GRID2: variants seen among roughly 807,000 people sequenced by gnomAD.
GRID2 encodes glutamate receptor ionotropic, delta-2.
GRID2 carries 33 observed loss-of-function variants against 114.8 expected under a neutral mutation model. The ratio of observed to expected loss-of-function variants is 0.29; its 90% CI spans 0.22 to 0.38. The LOEUF (loss-of-function observed/expected upper bound fraction) is 0.38, where lower values mean the gene tolerates loss of function less well. Ranked by LOEUF, GRID2 falls within the 10% of genes least tolerant of loss-of-function variation. The probability of loss-of-function intolerance (pLI) is 1.00; values close to 1 mark genes in which losing one functional copy is unlikely to be tolerated. For missense variants in GRID2, 1,184 were observed against 1,257.7 expected (o/e 0.94, Z 0.89); for synonymous variants, 505 against 449.9 (o/e 1.12, Z -1.55).
chr4:93,559,447 A>G (rs1352855806), intron 13 of GRID2, among the ~76,000 whole-genome samples: 1 of 152,242 alleles, frequency 6.6e-6, no homozygotes, highest in African/African-American at 2.4e-5. Flanking sequence ...TCAAAAGAAG[A>G]CATTTATGTG....
At chr4:92,366,457 C>T (rs80218775) in intron 1 of GRID2, among the ~76,000 whole-genome samples, 4,013 of 151,950 alleles carry the variant, frequency 0.026, 175 homozygotes, top group African/African-American at 0.09. Flanking sequence ...TGAGGTAATC[C>T]ATACAACCAG....
At chr4:92,960,820 T>G (rs1020951952) in intron 2 of GRID2, among the ~76,000 whole-genome samples, 3 of 151,988 alleles carry the variant, frequency 2.0e-5, no homozygotes, top group Non-Finnish European at 4.4e-5. Flanking sequence ...TTTTTTTGTC[T>G]TCTACTCTTT....
At chr4:93,375,620 A>G (rs1763306689) in intron 8 of GRID2, among the ~76,000 whole-genome samples, 1 of 152,150 alleles carries the variant, frequency 6.6e-6, no homozygotes, top group South Asian at 2.1e-4. Flanking sequence ...CTATTTCACC[A>G]TCACACTTGT....
intron 1 of GRID2, among the ~76,000 whole-genome samples, chr4:92,430,560 C>G (rs2110339783): frequency 6.6e-6 from 1 of 152,112 alleles, no homozygotes; most frequent in East Asian, 1.9e-4. Flanking sequence ...AAGTTTTTCT[C>G]TTTTTGCTTA....
intron 8 of GRID2, among the ~76,000 whole-genome samples, chr4:93,323,556 T>C (rs1757482845): frequency 6.6e-6 from 1 of 152,184 alleles, no homozygotes; most frequent in Non-Finnish European, 1.5e-5. Context: ...ATATGAACTT[T>C]AAAGTAGTTT....
chr4:93,096,763 A>G (rs559243780), intron 3 of GRID2, among the ~76,000 whole-genome samples: 24 of 151,938 alleles, frequency 1.6e-4, no homozygotes, highest in Non-Finnish European at 3.5e-4. Context: ...CTGTTTGGCA[A>G]TTTTTTACCA....
intron 2 of GRID2, among the ~76,000 whole-genome samples, chr4:92,976,015 G>A (rs2149179612): frequency 6.6e-6 from 1 of 151,958 alleles, no homozygotes; most frequent in South Asian, 2.1e-4. Context: ...CTTAAGCCAA[G>A]TTTTCATTAA....
chr4:92,500,708 G>T (rs921963378), intron 1 of GRID2, among the ~76,000 whole-genome samples: 2 of 152,072 alleles, frequency 1.3e-5, no homozygotes, highest in Non-Finnish European at 2.9e-5. Context: ...ATCTTTGTCC[G>T]CCAGAAGCCA....
intron 11 of GRID2, among the ~76,000 whole-genome samples, chr4:93,477,998 T>A (rs2149443453): frequency 6.6e-6 from 1 of 152,214 alleles, no homozygotes; most frequent in East Asian, 1.9e-4. Context: ...AGCACTTACC[T>A]CAGTATTTTT....
chr4:92,947,146 A>G (rs565202540), intron 2 of GRID2, among the ~76,000 whole-genome samples: 2 of 152,172 alleles, frequency 1.3e-5, no homozygotes, highest in African/African-American at 2.4e-5. Flanking sequence ...GGCTTTACCA[A>G]TATCTCACAG....
intron 2 of GRID2, among the ~76,000 whole-genome samples, chr4:93,013,378 C>T (rs1722374816): frequency 6.6e-6 from 1 of 151,786 alleles, no homozygotes. Flanking sequence ...CACAGGATGT[C>T]TTCATATTTA....
At chr4:92,743,308 A>C (rs1736987335) in intron 2 of GRID2, among the ~76,000 whole-genome samples, 1 of 152,184 alleles carries the variant, frequency 6.6e-6, no homozygotes, top group African/African-American at 2.4e-5. Flanking sequence ...TCATCTAAAA[A>C]ATAGAATGAT....
chr4:92,974,234 TG>T (rs1427340341), intron 2 of GRID2, among the ~76,000 whole-genome samples: 1 of 152,172 alleles, frequency 6.6e-6, no homozygotes, highest in Non-Finnish European at 1.5e-5. Context: ...TTTACACTGT[TG>T]GTGGGAGTGT....
intron 1 of GRID2, among the ~76,000 whole-genome samples, chr4:92,305,564 C>G (rs1018826735): frequency 6.6e-6 from 1 of 152,156 alleles, no homozygotes; most frequent in African/African-American, 2.4e-5. Context: ...CGAGTAGCCG[C>G]GCAAGGCAGA....
intron 10 of GRID2, among the ~76,000 whole-genome samples, chr4:93,424,501 A>G (rs191743896): frequency 2.1e-4 from 32 of 152,206 alleles, no homozygotes; most frequent in Admixed American, 7.9e-4. Context: ...TAAAGTTGTG[A>G]TTCTATCAGT....
intron 4 of GRID2, among the ~76,000 whole-genome samples, chr4:93,174,569 T>A (rs1739166457): frequency 6.6e-6 from 1 of 152,088 alleles, no homozygotes; most frequent in Admixed American, 6.6e-5. Context: ...TCTTTCGGGT[T>A]AAAGGAGGTC....
At chr4:93,388,600 T>A (rs1269224832) in intron 8 of GRID2, among the ~76,000 whole-genome samples, 1 of 151,926 alleles carries the variant, frequency 6.6e-6, no homozygotes, top group Admixed American at 6.6e-5. Flanking sequence ...TAATAACAAA[T>A]CATGCAAATT....
At chr4:92,610,424 TG>T in intron 2 of GRID2, among the ~76,000 whole-genome samples, 1 of 151,784 alleles carries the variant, frequency 6.6e-6, no homozygotes, top group East Asian at 1.9e-4. Flanking sequence ...CGATCATACC[TG>T]TCTCTAAATA....
At chr4:93,665,701 T>G (rs997481648) in intron 14 of GRID2, among the ~76,000 whole-genome samples, 1 of 152,208 alleles carries the variant, frequency 6.6e-6, no homozygotes, top group African/African-American at 2.4e-5. Context: ...AAATTTTCTG[T>G]ATCTTCTTAG....
Sources: allele counts gnomAD v4.1 joint callset (sites outside exome capture counted in the v4.1 genomes callset), GRCh38; gene constraint gnomAD v4.1.1; transcripts MANE v1.5; gene names NCBI Gene and HGNC (gene_info 2026-07-23, HGNC 2026-07-21).